Variants in HIGD1C observed in about 807,000 individuals in gnomAD.
HIGD1C encodes HIG1 domain family member 1C.
Under a neutral mutation model 13.1 loss-of-function variants are expected in HIGD1C, and 11 were observed. The ratio of observed to expected loss-of-function variants is 0.84; its 90% CI spans 0.53 to 1.39. HIGD1C has a LOEUF of 1.39. HIGD1C is among the 40% of genes most tolerant of loss of function. The probability of loss-of-function intolerance (pLI) is 0.00; values close to 1 mark genes in which losing one functional copy is unlikely to be tolerated. For synonymous variants in HIGD1C, 36 were observed against 37.7 expected (o/e 0.95, Z 0.17); for missense variants, 110 against 112.0 (o/e 0.98, Z 0.08).
chr12:50,967,328 G>A (rs999903867), intron 2 of HIGD1C, among the ~76,000 whole-genome samples: 2 of 151,982 alleles, frequency 1.3e-5, no homozygotes, highest in East Asian at 1.9e-4. Flanking sequence ...AAATTTTTTC[G>A]TAGAGGTGGG....
chr12:50,935,936 T>A, the HIGD1C span, among the ~76,000 whole-genome samples: 1 of 152,176 alleles, frequency 6.6e-6, no homozygotes, highest in African/African-American at 2.4e-5. Flanking sequence ...GGTGGGCAGA[T>A]TACCTGAGGT....
At chr12:50,962,232 T>TACAC (rs34526248) in intron 2 of HIGD1C, among the ~76,000 whole-genome samples, 132 of 146,288 alleles carry the variant, frequency 9.0e-4, no homozygotes, top group African/African-American at 2.7e-3. Context: ...CTAAAAAAAT[T>TACAC]ACACACACAC....
At chr12:50,969,515 C>T (rs149265607) in intron 2 of HIGD1C, among the ~76,000 whole-genome samples, 4,593 of 152,050 alleles carry the variant, frequency 0.03, 111 homozygotes, top group East Asian at 0.078. Flanking sequence ...GCCTGGCCAA[C>T]ATGGCGAAAC....
chr12:50,946,050 C>A, the HIGD1C span, among the ~76,000 whole-genome samples: 2 of 152,172 alleles, frequency 1.3e-5, no homozygotes, highest in East Asian at 1.9e-4. Flanking sequence ...GAAACTGGAT[C>A]CCTTCCTTAC....
chr12:50,937,240 T>C, the HIGD1C span, among the ~76,000 whole-genome samples: 1 of 152,164 alleles, frequency 6.6e-6, no homozygotes, highest in African/African-American at 2.4e-5. Flanking sequence ...CCTGACCCCC[T>C]AAACCCAGCA....
the HIGD1C span, among the ~76,000 whole-genome samples, chr12:50,942,701 C>G: frequency 1.3e-5 from 2 of 151,986 alleles, no homozygotes; most frequent in Admixed American, 1.3e-4. Context: ...GACCTCATCT[C>G]TACAAATAAA....
the HIGD1C span, chr12:50,935,146 T>C: frequency 6.6e-6 from 1 of 152,330 alleles, no homozygotes; most frequent in African/African-American, 2.4e-5. Flanking sequence ...GTTTATCTGT[T>C]AAAGTAATTA....
the HIGD1C span, chr12:50,932,383 A>C: frequency 6.6e-6 from 1 of 152,226 alleles, no homozygotes; most frequent in East Asian, 1.9e-4. Context: ...TAGAGGGTTT[A>C]ATATTTTCTG....
chr12:50,934,087 T>A, the HIGD1C span, among the ~76,000 whole-genome samples: 2 of 152,220 alleles, frequency 1.3e-5, no homozygotes, highest in Admixed American at 1.3e-4. Flanking sequence ...TTGGTTGTGG[T>A]CATTGGGTTG....
chr12:50,959,309 G>T (rs1265794724), intron 1 of HIGD1C, among the ~76,000 whole-genome samples: 2 of 151,736 alleles, frequency 1.3e-5, no homozygotes, highest in African/African-American at 4.8e-5. Flanking sequence ...AGTAGAGATG[G>T]GGGTTTCTCC....
chr12:50,960,273 G>T (rs2139804900), intron 1 of HIGD1C, among the ~76,000 whole-genome samples: 1 of 152,040 alleles, frequency 6.6e-6, no homozygotes, highest in Middle Eastern at 3.4e-3. Flanking sequence ...CACTCTACTG[G>T]GTTTACTCCT....
chr12:50,937,868 G>A, the HIGD1C span, among the ~76,000 whole-genome samples: 1 of 152,136 alleles, frequency 6.6e-6, no homozygotes, highest in Non-Finnish European at 1.5e-5. Context: ...TGAGTCTGGG[G>A]ACTTTATGTG....
At chr12:50,946,795 A>T in the HIGD1C span, among the ~76,000 whole-genome samples, 1 of 152,220 alleles carries the variant, frequency 6.6e-6, no homozygotes. Context: ...GCATTAGGAG[A>T]TATACCTAAT....
chr12:50,960,882 G>T, intron 1 of HIGD1C, 86 bp from the exon 4 acceptor site: 2 of 1,158,284 alleles, frequency 1.7e-6, no homozygotes. Flanking sequence ...GTCTTGCTAT[G>T]TTGCCCAGGC....
intron 1 of HIGD1C, 81 bp from the exon 4 acceptor site, chr12:50,960,887 C>A: frequency 8.7e-6 from 11 of 1,257,252 alleles, no homozygotes; most frequent in Non-Finnish European, 1.2e-5. Context: ...GCTATGTTGC[C>A]CAGGCTGTTT....
At chr12:50,971,723 T>A (rs1389433524), downstream of HIGD1C, among the ~76,000 whole-genome samples, 1 of 152,134 alleles carries the variant, frequency 6.6e-6, no homozygotes, top group Non-Finnish European at 1.5e-5. Flanking sequence ...TGAAATAAAA[T>A]CAAGAATATA....
intron 2 of HIGD1C, among the ~76,000 whole-genome samples, chr12:50,970,197 T>C (rs1186641993): frequency 1.3e-5 from 2 of 152,230 alleles, no homozygotes; most frequent in Non-Finnish European, 2.9e-5. Context: ...ATTTCACCAA[T>C]ATTTTGGTGG....
At chr12:50,941,317 T>C in the HIGD1C span, among the ~76,000 whole-genome samples, 15 of 152,196 alleles carry the variant, frequency 9.9e-5, no homozygotes, top group African/African-American at 3.6e-4. Flanking sequence ...GGAGGAAACA[T>C]TGGAGAAAGT....
intron 2 of HIGD1C, among the ~76,000 whole-genome samples, chr12:50,966,091 AG>A (rs1454504975): frequency 6.6e-6 from 1 of 152,162 alleles, no homozygotes; most frequent in Non-Finnish European, 1.5e-5. Context: ...ATGACCACTT[AG>A]GCTTTGCTGC....
Sources: allele counts gnomAD v4.1 joint callset (sites outside exome capture counted in the v4.1 genomes callset), GRCh38; gene constraint gnomAD v4.1.1; transcripts MANE v1.5; gene names NCBI Gene and HGNC (gene_info 2026-07-23, HGNC 2026-07-21).